SERF1B: variants seen among roughly 807,000 people sequenced by gnomAD.
SERF1B encodes small EDRK-rich factor 1.
intron 2 of SERF1B, among the ~76,000 whole-genome samples, chr5:70,028,985 A>AC (rs2112439823): frequency 6.6e-6 from 1 of 152,156 alleles, no homozygotes; most frequent in Non-Finnish European, 1.5e-5. Flanking sequence ...AAAAAAAAAA[A>AC]ACCTTTATGT....
chr5:70,038,066 G>A (rs1462001664), intron 2 of SERF1B, among the ~76,000 whole-genome samples: 2 of 126,398 alleles, frequency 1.6e-5, no homozygotes, highest in African/African-American at 3.5e-5. Flanking sequence ...ATAAGTTCTG[G>A]AACACTTCCT....
intron 2 of SERF1B, among the ~76,000 whole-genome samples, chr5:70,033,862 T>G: frequency 4.0e-5 from 1 of 25,204 alleles, no homozygotes. Context: ...GTTTCACCAT[T>G]TTGGCCAGGC....
At chr5:70,041,405 T>C (rs1774255743) in intron 2 of SERF1B, 119 bp from the exon 3 acceptor site, 4 of 687,046 alleles carry the variant, frequency 5.8e-6, no homozygotes, top group Admixed American at 4.2e-5. Context: ...CATGCAAACA[T>C]GCATACACAC....
At chr5:70,036,634 C>CT (rs1407605664) in intron 2 of SERF1B, among the ~76,000 whole-genome samples, 1 of 136,126 alleles carries the variant, frequency 7.3e-6, no homozygotes, top group Non-Finnish European at 1.5e-5. Flanking sequence ...CACACACTCT[C>CT]TCTCTCTCTC....
At chr5:70,028,172 GC>G (rs1425918172) in intron 2 of SERF1B, among the ~76,000 whole-genome samples, 1 of 70,692 alleles carries the variant, frequency 1.4e-5, no homozygotes, top group Non-Finnish European at 2.9e-5. Flanking sequence ...ACTTTGGGAG[GC>G]CGAAGCGGGT....
At chr5:70,028,552 C>CAAAA (rs1157134405) in intron 2 of SERF1B, among the ~76,000 whole-genome samples, 2 of 91,454 alleles carry the variant, frequency 2.2e-5, no homozygotes, top group South Asian at 3.9e-4. Flanking sequence ...GACTCCGTCT[C>CAAAA]AAAAAAAAAA....
chr5:70,036,467 G>C (rs1384547123), intron 2 of SERF1B, among the ~76,000 whole-genome samples: 16 of 87,946 alleles, frequency 1.8e-4, no homozygotes, highest in African/African-American at 6.0e-4. Context: ...CACGCCTGTA[G>C]TCCCAGCTAC....
intron 2 of SERF1B, among the ~76,000 whole-genome samples, chr5:70,036,629 A>ACTCTCTCTCTCTCTCTCTCT (rs1554065559): frequency 2.6e-3 from 131 of 49,868 alleles, no homozygotes; most frequent in East Asian, 4.8e-3. Context: ...ACACACACAC[A>ACTCTCTCTCTCTCTCTCTCT]CTCTCTCTCT....
intron 2 of SERF1B, among the ~76,000 whole-genome samples, chr5:70,035,364 A>AATTATTATTATT (rs201890206): frequency 7.6e-6 from 1 of 132,246 alleles, no homozygotes; most frequent in African/African-American, 2.7e-5. Flanking sequence ...GAATAATTTT[A>AATTATTATTATT]ATTATTATTA....
chr5:70,029,001 A>G (rs1774103664), intron 2 of SERF1B, among the ~76,000 whole-genome samples: 2 of 152,044 alleles, frequency 1.3e-5, no homozygotes, highest in East Asian at 1.9e-4. Context: ...TATGTGTACA[A>G]TGTGTAATGA....
chr5:70,041,448 T>C, intron 2 of SERF1B, 76 bp from the exon 3 acceptor site: 1 of 634,302 alleles, frequency 1.6e-6, no homozygotes, highest in Non-Finnish European at 2.8e-6. Context: ...TGGGAATGTA[T>C]TTGATTCTGA....
At chr5:70,029,028 G>C (rs1282555596) in intron 2 of SERF1B, among the ~76,000 whole-genome samples, 1 of 151,990 alleles carries the variant, frequency 6.6e-6, no homozygotes, top group East Asian at 1.9e-4. Flanking sequence ...CGGGGTAATT[G>C]GGATATCTCT....
chr5:70,035,385 T>TA (rs1554065469), intron 2 of SERF1B, among the ~76,000 whole-genome samples: 4,625 of 122,338 alleles, frequency 0.038, 102 homozygotes, highest in African/African-American at 0.061. Context: ...TTATTATTAT[T>TA]TTTTTTTTTT....
intron 2 of SERF1B, among the ~76,000 whole-genome samples, chr5:70,036,629 A>ACTCTCT (rs1554065559): frequency 0.067 from 3,388 of 50,210 alleles, 32 homozygotes; most frequent in Middle Eastern, 0.11. Context: ...ACACACACAC[A>ACTCTCT]CTCTCTCTCT....
chr5:70,029,382 C>T (rs1378298724), intron 2 of SERF1B, among the ~76,000 whole-genome samples: 11 of 151,122 alleles, frequency 7.3e-5, no homozygotes, highest in South Asian at 2.1e-4. Flanking sequence ...GTGATCCACC[C>T]GCCTCGGCCT....
chr5:70,041,195 T>TA (rs2112451106), intron 2 of SERF1B, among the ~76,000 whole-genome samples: 1 of 148,940 alleles, frequency 6.7e-6, no homozygotes, highest in East Asian at 2.0e-4. Context: ...ATACCAGCAT[T>TA]AGGTATTATC....
At chr5:70,041,292 A>C (rs1249373131) in intron 2 of SERF1B, among the ~76,000 whole-genome samples, 1 of 148,216 alleles carries the variant, frequency 6.7e-6, no homozygotes. Context: ...ATTTAAATAC[A>C]CTCAATTTAT....
chr5:70,036,629 ACTCTCTCTCT>A (rs1554065559), intron 2 of SERF1B, among the ~76,000 whole-genome samples: 1 of 49,838 alleles, frequency 2.0e-5, no homozygotes, highest in Non-Finnish European at 4.4e-5. Flanking sequence ...ACACACACAC[ACTCTCTCTCT>A]CTCTCTCTCT....
chr5:70,041,303 A>G (rs1774253116), intron 2 of SERF1B, among the ~76,000 whole-genome samples: 1 of 147,746 alleles, frequency 6.8e-6, no homozygotes, highest in East Asian at 1.9e-4. Context: ...CTCAATTTAT[A>G]TACACACACG....
Sources: gnomAD v4.1 joint callset for allele counts (sites outside exome capture counted in the v4.1 genomes callset) on GRCh38, gnomAD v4.1.1 for gene constraint, MANE v1.5 for transcripts, NCBI Gene and HGNC (gene_info 2026-07-23, HGNC 2026-07-21) for gene names.